ARHGAP27: variants seen among roughly 807,000 people sequenced by gnomAD.
The protein encoded by ARHGAP27 is rho GTPase-activating protein 27.
In ARHGAP27, 53 loss-of-function variants were observed where a neutral mutation model predicts 102.0. The ratio of observed to expected loss-of-function variants is 0.52; its 90% CI spans 0.42 to 0.65. The LOEUF is 0.65. Among genes scored for constraint, ARHGAP27 ranks in the 30% least tolerant of loss-of-function variants. ARHGAP27 has a pLI of 0.00. For synonymous variants in ARHGAP27, 525 were observed against 542.8 expected, an observed-to-expected ratio of 0.97 and a Z score of 0.46; for missense variants, 1,117 against 1,256.2, an observed-to-expected ratio of 0.89 and a Z score of 1.68.
chr17:45,428,670 G>T (rs1385308550), intron 4 of ARHGAP27, among the ~76,000 whole-genome samples: 1 of 152,128 alleles, frequency 6.6e-6, no homozygotes, highest in Admixed American at 6.5e-5. Context: ...GAAATCAGAG[G>T]CTCCCGAGGA....
rs747529986 is a variant in ARHGAP27 at position 45,429,528 on chromosome 17, C to A, written c.657+95G>T. The A allele has an allele frequency of 7.1e-6, 11 of 1,541,658 alleles. No individual in the cohort carries two copies. The Middle Eastern group carries it at 5.1e-4, about 72-fold the overall frequency. The stretch of plus-strand genomic sequence containing the variant: ...GGACAGAGGTGGGCGTCGTGCCCGA[C>A]GCTGAGCGGAGCGGGTCTCCTTGCG... On this transcript the variant is annotated intron_variant, in intron 4 of 19. Coordinates refer to ENST00000685559, the MANE Select transcript of ARHGAP27 (RefSeq NM_001282290.2).
At position 45,411,646 on chromosome 17, in the gene ARHGAP27, G is replaced by A. The variant is rs533614227; in HGVS notation, c.658-5563C>T. Among the ~76,000 whole-genome samples, 3 of 152,190 alleles carry A rather than the reference G, an allele frequency of 2.0e-5. No individual in the cohort carries two copies. In the South Asian group the frequency reaches 6.2e-4, roughly 32 times the overall value. ...TACCAGTGTCCCATCCCCTGTACCCGACTCAGAAGCCCAGACCCCAGGGGT... is the reference window on the plus strand; with the variant it reads ...TACCAGTGTCCCATCCCCTGTACCCAACTCAGAAGCCCAGACCCCAGGGGT... On this transcript the variant is annotated intron_variant, in intron 4 of 19. Coordinates refer to ENST00000685559, the MANE Select transcript of ARHGAP27 (RefSeq NM_001282290.2).
chr17:45,403,766 G>A, intron 10 of ARHGAP27, 57 bp from the exon 11 acceptor site: 1 of 1,445,960 alleles, frequency 6.9e-7, no homozygotes, highest in Non-Finnish European at 9.6e-7. Context: ...CTGGGCTGAG[G>A]GCCCCTCCTA....
rs373783231 is a variant in ARHGAP27, at chr17:45,431,389, G to A, written c.-19+232C>T. ...CCCCCTAAGGTGGCCCGGACCCGGG[G>A]CCAGGAGACCGCCGCTTGCCGAGGC... On this transcript the variant is annotated intron_variant, in intron 3 of 19. Coordinates refer to ENST00000685559, the MANE Select transcript of ARHGAP27 (RefSeq NM_001282290.2). Among the ~76,000 whole-genome samples, 24 of 152,354 alleles carry A rather than the reference G, an allele frequency of 1.6e-4. No homozygotes were observed. In the East Asian group the frequency reaches 2.3e-3, roughly 15 times the overall value.
At chr17:45,409,828 C>T in intron 4 of ARHGAP27, 1 of 176,580 alleles carries the variant, frequency 5.7e-6, no homozygotes, top group Non-Finnish European at 1.2e-5. Flanking sequence ...GAGGCCCAGA[C>T]AAGACCCAGA....
chr17:45,407,094 G>A (rs946855347), intron 4 of ARHGAP27, among the ~76,000 whole-genome samples: 3 of 152,190 alleles, frequency 2.0e-5, no homozygotes, highest in Non-Finnish European at 2.9e-5. Context: ...GCTGGCTGCA[G>A]GGCAAAGTCT....
rs946727295 is a variant in ARHGAP27, at chr17:45,405,489, C to A, written c.1065+187G>T. ...GCGCTCAGAGGTAGCCCCGCCCACT[C>A]CAGCCCCGCCCTTCACCCTGGGGTC... On this transcript the variant is annotated intron_variant, in intron 5 of 19. Coordinates refer to ENST00000685559, the MANE Select transcript of ARHGAP27 (RefSeq NM_001282290.2). 1.4e-4 allele frequency among the ~76,000 whole-genome samples: 21 copies of A among 151,770 alleles called. 1 individual carries two copies. The highest frequency in any genetic ancestry group is 5.1e-4 in the African/African-American group (21 of 41,332).
At chr17:45,398,296 T>A (rs2045985924) in intron 12 of ARHGAP27, among the ~76,000 whole-genome samples, 1 of 152,194 alleles carries the variant, frequency 6.6e-6, no homozygotes, top group African/African-American at 2.4e-5. Context: ...TGCTTCCTCA[T>A]GGGCACACAG....
Position 45,395,439 on chromosome 17 carries a change from C to A in ARHGAP27, c.*17G>T. ...TGTGGCAGGACCGCGGCCGCCGCCC[C>A]AGTCACAGGCCAGCAGTCAGTGCGG... On this transcript the variant is annotated 3_prime_UTR_variant, in exon 20 of 20. Transcript: ENST00000685559. The A allele has an allele frequency of 6.5e-7, 1 of 1,548,120 alleles. No individual in the cohort carries two copies. The highest frequency in any genetic ancestry group is 8.7e-7 in the Non-Finnish European group (1 of 1,144,106).
In ARHGAP27 at chr17:45,406,042, CCTCT is replaced by C; in HGVS notation, c.695_698del (p.Glu232GlyfsTer67). On this transcript the variant is annotated frameshift_variant, in exon 5 of 20. Coordinates refer to ENST00000685559, the MANE Select transcript of ARHGAP27 (RefSeq NM_001282290.2). LOFTEE classifies it high-confidence loss of function. The stretch of plus-strand genomic sequence containing the variant: ...CGCCCGGTGAAGTGGCCCGGGGCTG[CCTCT>C]CTATGTTCGCGTACACGGGCTCCGG... The C allele has an allele frequency of 6.5e-7, 1 of 1,533,402 alleles. No individual in the cohort carries two copies. The highest frequency in any genetic ancestry group is 8.7e-7 in the Non-Finnish European group (1 of 1,145,158). 95.0% of individuals were successfully genotyped at this position (1,533,402 alleles called of 1,614,324 possible).
chr17:45,411,334 A>C (rs1161876982), intron 4 of ARHGAP27, among the ~76,000 whole-genome samples: 1 of 151,992 alleles, frequency 6.6e-6, no homozygotes, highest in African/African-American at 2.4e-5. Flanking sequence ...AGGCAGCACT[A>C]AGCCCACCAG....
At chr17:45,412,732 G>A (rs1290207737) in intron 4 of ARHGAP27, among the ~76,000 whole-genome samples, 2 of 152,124 alleles carry the variant, frequency 1.3e-5, no homozygotes, top group South Asian at 2.1e-4. Flanking sequence ...TAACCATCCC[G>A]GCCTGGCCCA....
chr17:45,408,135 A>G (rs1182220701), intron 4 of ARHGAP27: 1 of 151,460 alleles, frequency 6.6e-6, no homozygotes, highest in Non-Finnish European at 1.5e-5. Context: ...AAAAAAAAAA[A>G]TTCATTTTTC....
chr17:45,405,117 C>T lies in ARHGAP27; in HGVS notation c.1066-11G>A, dbSNP rs1269316145. The T allele has an allele frequency of 1.3e-6, 2 of 1,563,034 alleles. No individual in the cohort carries two copies. The highest frequency in any genetic ancestry group is 1.8e-5 in the Admixed American group (1 of 56,242). ...CTCGGGAGTGGGGGGCTGCGGGGAACAGAAGGTGGAGTCAGAGGCTCTGAG... is the reference window on the plus strand; with the variant it reads ...CTCGGGAGTGGGGGGCTGCGGGGAATAGAAGGTGGAGTCAGAGGCTCTGAG... On this transcript the variant is annotated splice_polypyrimidine_tract_variant and intron_variant, in intron 5 of 19. Coordinates refer to ENST00000685559, the MANE Select transcript of ARHGAP27 (RefSeq NM_001282290.2).
intron 13 of ARHGAP27, 52 bp downstream of exon 13, chr17:45,397,897 C>T (rs2045938525): frequency 6.6e-7 from 1 of 1,512,980 alleles, no homozygotes; most frequent in Non-Finnish European, 9.0e-7. Context: ...GGGCCCCACT[C>T]ATAATGGCCA....
intron 4 of ARHGAP27, among the ~76,000 whole-genome samples, chr17:45,422,118 A>T (rs1427986602): frequency 6.6e-6 from 1 of 152,176 alleles, no homozygotes; most frequent in Non-Finnish European, 1.5e-5. Context: ...GTGAGCCAAG[A>T]TCGCACCACT....
At chr17:45,424,821 C>A (rs1234243080) in intron 4 of ARHGAP27, among the ~76,000 whole-genome samples, 6 of 152,152 alleles carry the variant, frequency 3.9e-5, no homozygotes, top group African/African-American at 1.4e-4. Context: ...TTGAAATAAA[C>A]ATTACAAAAA....
At chr17:45,401,176 T>C (rs1161379245) in intron 12 of ARHGAP27, among the ~76,000 whole-genome samples, 1 of 152,014 alleles carries the variant, frequency 6.6e-6, no homozygotes, top group Non-Finnish European at 1.5e-5. Context: ...CCCCCATCTC[T>C]ATAAAAACTA....
At position 45,396,473 on chromosome 17, in the gene ARHGAP27, C is replaced by T. The variant is rs1427975466; in HGVS notation, c.2173+14G>A. 4.6e-6 allele frequency: 7 copies of T among 1,522,386 alleles called. No homozygotes were observed. The South Asian group carries it at 4.8e-5, about 11-fold the overall frequency. The allele number at this position is 1,522,386 out of a possible 1,614,324, so 94.3% of individuals were successfully genotyped here. ...CCCCAATGCCTGCCGCCCTCACCCC[C>T]GCAGCGCACGTACCGCGGGCCTCGA... On this transcript the variant is annotated intron_variant, in intron 16 of 19. Transcript: ENST00000685559.
Sources: gnomAD v4.1 joint callset for allele counts (sites outside exome capture counted in the v4.1 genomes callset) on GRCh38, gnomAD v4.1.1 for gene constraint, MANE v1.5 for transcripts, NCBI Gene and HGNC (gene_info 2026-07-23, HGNC 2026-07-21) for gene names.